The following TSG101 variants were observed in gnomAD, a reference collection of about 807,000 sequenced individuals.
The protein encoded by TSG101 is tumor susceptibility 101.
TSG101 carries 19 observed loss-of-function variants against 48.5 expected under a neutral mutation model. The observed-to-expected ratio is 0.39, with a 90% CI of 0.27 to 0.58. TSG101 has a LOEUF of 0.58. Ranked by LOEUF, TSG101 falls within the 20% of genes least tolerant of loss-of-function variation. The pLI, the probability that TSG101 is intolerant of heterozygous loss-of-function variation, is 0.55. For synonymous variants in TSG101, 174 were observed against 169.4 expected (o/e 1.03, Z -0.21); for missense variants, 365 against 484.4 (o/e 0.75, Z 2.31).
At chr11:18,500,747 A>G (rs1849874524) in intron 7 of TSG101, among the ~76,000 whole-genome samples, 1 of 149,842 alleles carries the variant, frequency 6.7e-6, no homozygotes, top group Non-Finnish European at 1.5e-5. Context: ...CTTTGCAAAT[A>G]TTTTCTCCCA....
At chr11:18,513,808 C>T (rs570912838) in intron 4 of TSG101, among the ~76,000 whole-genome samples, 1 of 152,272 alleles carries the variant, frequency 6.6e-6, no homozygotes, top group East Asian at 1.9e-4. Flanking sequence ...GGCATGGTGG[C>T]TTATGCCTGT....
At chr11:18,489,699 G>C (rs1030336243) in intron 7 of TSG101, among the ~76,000 whole-genome samples, 1 of 152,188 alleles carries the variant, frequency 6.6e-6, no homozygotes, top group African/African-American at 2.4e-5. Context: ...ATGAACTTTT[G>C]AGTGGCAACA....
chr11:18,500,420 C>T (rs1257648940), intron 7 of TSG101, among the ~76,000 whole-genome samples: 1 of 152,166 alleles, frequency 6.6e-6, no homozygotes, highest in Non-Finnish European at 1.5e-5. Context: ...TCCATAGTGG[C>T]TTTAATTTAC....
At chr11:18,526,542 C>T (rs900845917) in intron 1 of TSG101, among the ~76,000 whole-genome samples, 1 of 152,260 alleles carries the variant, frequency 6.6e-6, no homozygotes, top group African/African-American at 2.4e-5. Flanking sequence ...CAGGTAGCCT[C>T]CGCTCCACGC....
rs1053291588 is a variant in TSG101, at chr11:18,482,434, G to A, written c.844-565C>T. On this transcript the variant is annotated intron_variant, in intron 8 of 9. Transcript: ENST00000251968. ...CTAGAACCACTTTGTAAGGCTAATGGGTACATACAAATCACTTTCCACAAA... is the reference window on the plus strand; with the variant it reads ...CTAGAACCACTTTGTAAGGCTAATGAGTACATACAAATCACTTTCCACAAA... 1.5e-4 allele frequency among the ~76,000 whole-genome samples: 23 copies of A among 152,074 alleles called. 1 individual carries two copies. Among genetic ancestry groups the A allele is most frequent in the Admixed American group, 1.4e-3 (22 of 15,266 alleles).
chr11:18,499,282 TATCATATATATTTATATTTATATA>T, intron 7 of TSG101, among the ~76,000 whole-genome samples: 2 of 124,906 alleles, frequency 1.6e-5, no homozygotes, highest in Admixed American at 1.9e-4. Context: ...TATTTATATA[TATCATATATATTTATATTTATATA>T]TTTATTTATA....
chr11:18,484,135 G>C, intron 7 of TSG101, 63 bp from the exon 8 acceptor site: 1 of 1,560,690 alleles, frequency 6.4e-7, no homozygotes, highest in Non-Finnish European at 8.8e-7. Context: ...TTGTCTCACA[G>C]GAACCTTCAG....
At position 18,526,763 on chromosome 11, in the gene TSG101, T is replaced by G. The variant is rs1590293419; in HGVS notation, c.42+12A>C. On this transcript the variant is annotated intron_variant, in intron 1 of 9. Transcript: ENST00000251968. ...GGGCGCGCCCTGGGAGGCGAGCGCG[T>G]CGCAGCCTCACCTTGGACACCATTT... The G allele has an allele frequency of 6.2e-7, 1 of 1,600,402 alleles. No homozygotes were observed. The highest frequency in any genetic ancestry group is 8.5e-7 in the Non-Finnish European group (1 of 1,179,260).
chr11:18,499,273 A>AT (rs1034200529), intron 7 of TSG101, among the ~76,000 whole-genome samples: 1 of 130,352 alleles, frequency 7.7e-6, no homozygotes, highest in Admixed American at 9.1e-5. Flanking sequence ...TTTTATATAT[A>AT]TTTATATATA....
chr11:18,526,695 G>A, intron 1 of TSG101, 80 bp downstream of exon 1: 1 of 1,526,126 alleles, frequency 6.6e-7, no homozygotes, highest in Non-Finnish European at 8.8e-7. Flanking sequence ...AAGCTTGCTT[G>A]GCTGGGCCGG....
intron 7 of TSG101, among the ~76,000 whole-genome samples, chr11:18,492,190 A>T (rs1349554885): frequency 6.6e-6 from 1 of 152,258 alleles, no homozygotes; most frequent in Non-Finnish European, 1.5e-5. Context: ...CCTGTCTTAT[A>T]ATCTATATGA....
chr11:18,496,303 G>T (rs1565085824), intron 7 of TSG101, among the ~76,000 whole-genome samples: 1 of 151,620 alleles, frequency 6.6e-6, no homozygotes. Context: ...ATTAGTGGGT[G>T]TGGTGGCACA....
At chr11:18,502,956 A>C (rs921935967) in intron 6 of TSG101, among the ~76,000 whole-genome samples, 2 of 152,212 alleles carry the variant, frequency 1.3e-5, no homozygotes, top group Non-Finnish European at 2.9e-5. Flanking sequence ...CCTGTGGCTT[A>C]TTGGTAACCT....
chr11:18,480,378 C>A lies in TSG101; in HGVS notation c.*168G>T. 1 of 504,162 alleles carries A rather than the reference C, an allele frequency of 2.0e-6. No homozygotes were observed. The highest frequency in any genetic ancestry group is 3.3e-5 in the South Asian group (1 of 30,502). The allele number at this position is 504,162 out of a possible 1,614,324, so 31.2% of individuals were successfully genotyped here. A position where few individuals can be genotyped will look rare whatever the true frequency, so the allele number is the denominator to read the frequency against. On this transcript the variant is annotated 3_prime_UTR_variant, in exon 10 of 10. Coordinates refer to ENST00000251968, the MANE Select transcript of TSG101 (RefSeq NM_006292.4). Reference sequence around the variant, plus strand: ...AAAAGTTTACAGAGGATAGAAAGTGCATTAATAAAAGCCAGTCTTTACCAA... The same window carrying A: ...AAAAGTTTACAGAGGATAGAAAGTGAATTAATAAAAGCCAGTCTTTACCAA...
At chr11:18,508,690 A>G (rs1284844904) in intron 5 of TSG101, 1 of 152,234 alleles carries the variant, frequency 6.6e-6, no homozygotes, top group Non-Finnish European at 1.5e-5. Context: ...CTTTCTGTTA[A>G]ATTCCCATTC....
rs35471524 is a variant in TSG101 at position 18,483,491 on chromosome 11, C to CAA, written c.843+377_843+378dup. On this transcript the variant is annotated intron_variant, in intron 8 of 9. Transcript: ENST00000251968. ...AGCCTGAGCGCAAGAGTGAAACTCT[C>CAA]AAAAAAAAAAAAAAAAAAAAGGAGT... Among the ~76,000 whole-genome samples, 63 of 107,676 alleles carry CAA rather than the reference C, an allele frequency of 5.9e-4. 1 individual carries two copies. The highest frequency in any genetic ancestry group is 5.5e-3 in the East Asian group (22 of 4,010). The allele number at this position is 107,676 out of a possible 152,430, so 70.6% of individuals were successfully genotyped here. A position where few individuals can be genotyped will look rare whatever the true frequency, so the allele number is the denominator to read the frequency against.
At chr11:18,508,242 TAC>T (rs1850009503) in intron 5 of TSG101, among the ~76,000 whole-genome samples, 1 of 144,548 alleles carries the variant, frequency 6.9e-6, no homozygotes, top group South Asian at 2.3e-4. Context: ...TTTTTTTTGA[TAC>T]AGAGTCTTGC....
intron 5 of TSG101, among the ~76,000 whole-genome samples, chr11:18,508,219 A>ACCTT (rs1850008199): frequency 1.4e-5 from 2 of 145,344 alleles, no homozygotes; most frequent in South Asian, 4.4e-4. Flanking sequence ...AATATTTGAT[A>ACCTT]TCTTTTTTTT....
intron 7 of TSG101, among the ~76,000 whole-genome samples, chr11:18,502,034 GTTTT>G (rs966655186): frequency 1.3e-4 from 20 of 152,242 alleles, no homozygotes; most frequent in African/African-American, 3.6e-4. Context: ...CACTGCCTTA[GTTTT>G]TTTAGTTGAA....
Sources: gnomAD v4.1 joint callset for allele counts (sites outside exome capture counted in the v4.1 genomes callset) on GRCh38, gnomAD v4.1.1 for gene constraint, MANE v1.5 for transcripts, NCBI Gene and HGNC (gene_info 2026-07-23, HGNC 2026-07-21) for gene names.